The following TMEM176B variants were observed in gnomAD, a reference collection of about 807,000 sequenced individuals.
TMEM176B encodes the protein transmembrane protein 176B.
Under a neutral mutation model 30.3 loss-of-function variants are expected in TMEM176B, and 28 were observed. The observed-to-expected ratio is 0.92, with a 90% CI of 0.68 to 1.27. The LOEUF is 1.27. Ranked by LOEUF, TMEM176B falls within the 50% of genes most tolerant of loss-of-function variation. The pLI, the probability that TMEM176B is intolerant of heterozygous loss-of-function variation, is 0.00. For synonymous variants in TMEM176B, 123 were observed against 130.3 expected, an observed-to-expected ratio of 0.94 and a Z score of 0.38; for missense variants, 349 against 327.4, an observed-to-expected ratio of 1.07 and a Z score of -0.51.
chr7:150,797,263 T>C (rs1261145610), intron 1 of TMEM176B, among the ~76,000 whole-genome samples: 1 of 152,224 alleles, frequency 6.6e-6, no homozygotes, highest in Non-Finnish European at 1.5e-5. Flanking sequence ...AGCAGCATAC[T>C]ATACACACTG....
rs1432727204 is a variant in TMEM176B at position 150,792,023 on chromosome 7, ACG to A, written c.720+31_720+32del. 4 of 1,612,000 alleles carry A rather than the reference ACG, an allele frequency of 2.5e-6. No homozygotes were observed. In the East Asian group the frequency reaches 8.9e-5, roughly 36 times the overall value. On this transcript the variant is annotated intron_variant, in intron 6 of 6. Transcript: ENST00000326442. ...TCCCACACACTCACCACCCAGACTC[ACG>A]CTGCCCAGAGGCCCCTCCCCGACAA...
chr7:150,797,335 A>G (rs137882231), intron 1 of TMEM176B, among the ~76,000 whole-genome samples: 2 of 152,368 alleles, frequency 1.3e-5, no homozygotes, highest in African/African-American at 4.8e-5. Flanking sequence ...ATGAGTCCAT[A>G]AAAAGTGTCA....
At chr7:150,801,310 AG>A, upstream of TMEM176B, 1 of 480,748 alleles carries the variant, frequency 2.1e-6, no homozygotes, top group Non-Finnish European at 3.6e-6. Flanking sequence ...CTTGGGCGAA[AG>A]GGGAGGTTCC....
At chr7:150,792,986 G>A (rs561865690) in intron 5 of TMEM176B, 102 bp downstream of exon 5, 4 of 1,121,668 alleles carry the variant, frequency 3.6e-6, no homozygotes, top group African/African-American at 3.1e-5. Context: ...CCAGCATGAA[G>A]TCCAAGCTCA....
At chr7:150,801,358 A>C, upstream of TMEM176B, 1 of 507,734 alleles carries the variant, frequency 2.0e-6, no homozygotes, top group Non-Finnish European at 3.2e-6. Context: ...CAGCATGGTC[A>C]GCACCCCCTC....
At position 150,792,052 on chromosome 7, in the gene TMEM176B, T is replaced by A; in HGVS notation, c.720+4A>T. The A allele has an allele frequency of 7.4e-6, 12 of 1,612,476 alleles. No individual in the cohort carries two copies. The highest frequency in any genetic ancestry group is 9.3e-6 in the Non-Finnish European group (11 of 1,179,446). ...TGCCCAGAGGCCCCTCCCCGACAAC[T>A]CACCAGGGGCTGGGAGCTCTGGCCA... On this transcript the variant is annotated splice_donor_region_variant and intron_variant, in intron 6 of 6. Transcript: ENST00000326442.
At position 150,794,075 on chromosome 7, in the gene TMEM176B, C is replaced by T. The variant is rs1798425843; in HGVS notation, c.205-4G>A. The T allele has an allele frequency of 6.2e-7, 1 of 1,610,216 alleles. No homozygotes were observed. ...CCCCCAGCAATATCTGAGTCACCTG[C>T]AAGACAGGATGAGAAACCAGACCCC... On this transcript the variant is annotated splice_region_variant and splice_polypyrimidine_tract_variant and intron_variant, in intron 2 of 6. Transcript: ENST00000326442.
chr7:150,800,535 G>T (rs901289530), upstream of TMEM176B: 7 of 152,336 alleles, frequency 4.6e-5, no homozygotes, highest in East Asian at 1.4e-3. Flanking sequence ...TCCCACTCGC[G>T]CACACTTGCA....
intron 3 of TMEM176B, 52 bp from the exon 4 acceptor site, chr7:150,793,652 T>C: frequency 6.3e-7 from 1 of 1,585,672 alleles, no homozygotes; most frequent in Non-Finnish European, 8.6e-7. Flanking sequence ...TGAATTGGTC[T>C]ATCATCACCC....
In TMEM176B at chr7:150,793,236, A is replaced by C. The variant is rs769021921; in HGVS notation, c.452T>G (p.Ile151Ser). Residue 151 changes from isoleucine (I) to serine (S), a missense_variant, in exon 5 of 7, where the codon ATC (isoleucine) becomes AGC (serine). Coordinates refer to ENST00000326442, the MANE Select transcript of TMEM176B (RefSeq NM_001101312.2). Reference sequence around the variant, plus strand: ...GTATAAAAAGGGTTCAGTTTGCCAGATGAAGCTATTCACGCAGAGGACAAC... The same window carrying C: ...GTATAAAAAGGGTTCAGTTTGCCAGCTGAAGCTATTCACGCAGAGGACAAC... The part of the protein sequence containing the change: ...AAVVLCVNSF[I>S]WQTEPFLYID... The C allele has an allele frequency of 4.3e-6, 7 of 1,614,252 alleles. No individual in the cohort carries two copies.
At chr7:150,794,559 C>T (rs2116687821) in intron 2 of TMEM176B, among the ~76,000 whole-genome samples, 1 of 152,074 alleles carries the variant, frequency 6.6e-6, no homozygotes, top group Admixed American at 6.5e-5. Context: ...TCAGGGTCAC[C>T]CTAATTTTTC....
intron 2 of TMEM176B, 50 bp from the exon 3 acceptor site, chr7:150,794,121 C>A: frequency 6.7e-7 from 1 of 1,499,450 alleles, no homozygotes; most frequent in East Asian, 2.3e-5. Context: ...TCCACATGCC[C>A]CGGCTGCCCT....
At chr7:150,798,743 G>T (rs576564378) in intron 1 of TMEM176B, among the ~76,000 whole-genome samples, 229 of 152,226 alleles carry the variant, frequency 1.5e-3, no homozygotes, top group Middle Eastern at 6.8e-3. Flanking sequence ...GAGGTTGGTT[G>T]TCTTTTCATA....
At chr7:150,799,703 C>T (rs1798685338) in intron 1 of TMEM176B, among the ~76,000 whole-genome samples, 1 of 152,260 alleles carries the variant, frequency 6.6e-6, no homozygotes, top group Admixed American at 6.5e-5. Flanking sequence ...CCCCAGATTC[C>T]AGCCAGACCT....
chr7:150,791,400 G>A lies in TMEM176B; in HGVS notation c.*131C>T, dbSNP rs764132198. 1.2e-4 allele frequency: 78 copies of A among 650,158 alleles called. No homozygotes were observed. The highest frequency in any genetic ancestry group is 2.0e-4 in the Non-Finnish European group (75 of 375,646). The allele number at this position is 650,158 out of a possible 1,614,324, so 40.3% of individuals were successfully genotyped here. ...ACCCCAGAGTGGGAACAGCAGGTGC[G>A]GATGTGGGGAGAAGAAAGGAGGAGG... On this transcript the variant is annotated 3_prime_UTR_variant, in exon 7 of 7. Transcript: ENST00000326442.
chr7:150,797,195 A>G (rs1283971941), intron 1 of TMEM176B, among the ~76,000 whole-genome samples: 1 of 152,196 alleles, frequency 6.6e-6, no homozygotes, highest in Non-Finnish European at 1.5e-5. Context: ...AAATCCTACC[A>G]TGACATTTTT....
Position 150,796,579 on chromosome 7 carries a change from C to G in TMEM176B, c.-5-5G>C. On this transcript the variant is annotated splice_polypyrimidine_tract_variant and splice_region_variant and intron_variant, in intron 1 of 6. Coordinates refer to ENST00000326442, the MANE Select transcript of TMEM176B (RefSeq NM_001101312.2). ...CCGTGTTTTGCGTCATCCTGCCTGCCAGGGAGAAGACATATAGCAGTGAGG... is the reference window on the plus strand; with the variant it reads ...CCGTGTTTTGCGTCATCCTGCCTGCGAGGGAGAAGACATATAGCAGTGAGG... 1 of 1,613,452 alleles carries G rather than the reference C, an allele frequency of 6.2e-7. No individual in the cohort carries two copies. Among genetic ancestry groups the G allele is most frequent in the Non-Finnish European group, 8.5e-7 (1 of 1,180,006 alleles).
At chr7:150,796,099 A>G (rs59483069) in intron 2 of TMEM176B, among the ~76,000 whole-genome samples, 4,048 of 152,240 alleles carry the variant, frequency 0.027, 179 homozygotes, top group African/African-American at 0.09. Context: ...TACTCATGCC[A>G]TCGCTCACCC....
At position 150,791,625 on chromosome 7, in the gene TMEM176B, T is replaced by C. The variant is rs772930462; in HGVS notation, c.721-2A>G. 2.5e-6 allele frequency: 4 copies of C among 1,610,890 alleles called. No individual in the cohort carries two copies. The highest frequency in any genetic ancestry group is 1.7e-4 in the Middle Eastern group (1 of 6,028). Reference sequence around the variant, plus strand: ...CCTCTTCTCTGATCCTTCCTCATTCTGGAAAAAAAAGAAAAAAGAAATCCT... The same window carrying C: ...CCTCTTCTCTGATCCTTCCTCATTCCGGAAAAAAAAGAAAAAAGAAATCCT... On this transcript the variant is annotated splice_acceptor_variant, in intron 6 of 6. Coordinates refer to ENST00000326442, the MANE Select transcript of TMEM176B (RefSeq NM_001101312.2). LOFTEE classifies it high-confidence loss of function.
Sources: gnomAD v4.1 joint callset for allele counts (sites outside exome capture counted in the v4.1 genomes callset) on GRCh38, gnomAD v4.1.1 for gene constraint, MANE v1.5 for transcripts, NCBI Gene and HGNC (gene_info 2026-07-23, HGNC 2026-07-21) for gene names.